TRAF3IP1: variants seen among roughly 807,000 people sequenced by gnomAD.
The protein encoded by TRAF3IP1 is intraflagellar transport 54.
In TRAF3IP1, 53 loss-of-function variants were observed where a neutral mutation model predicts 89.9. That is an observed-to-expected ratio of 0.59 (90% CI 0.47 to 0.74). The LOEUF (loss-of-function observed/expected upper bound fraction) is 0.74. Among genes scored for constraint, TRAF3IP1 ranks in the 30% least tolerant of loss-of-function variants. The pLI is 0.00. For synonymous variants in TRAF3IP1, 311 were observed against 322.1 expected (o/e 0.97, Z 0.37); for missense variants, 806 against 866.1 (o/e 0.93, Z 0.87).
intron 15 of TRAF3IP1, among the ~76,000 whole-genome samples, chr2:238,385,094 C>T (rs536935161): frequency 6.6e-5 from 10 of 152,164 alleles, no homozygotes; most frequent in Non-Finnish European, 1.3e-4. Context: ...CGGCTCACTG[C>T]AATCTCCGCC....
At chr2:238,340,080 C>T (rs1285381103) in intron 8 of TRAF3IP1, among the ~76,000 whole-genome samples, 1 of 152,022 alleles carries the variant, frequency 6.6e-6, no homozygotes, top group Non-Finnish European at 1.5e-5. Context: ...GGAACAGTGG[C>T]CAGGAGCAGA....
At chr2:238,329,682 C>T (rs2106365137) in intron 5 of TRAF3IP1, among the ~76,000 whole-genome samples, 1 of 152,334 alleles carries the variant, frequency 6.6e-6, no homozygotes, top group Admixed American at 6.5e-5. Context: ...AGAGATTTCA[C>T]TCATGTTCAC....
chr2:238,338,566 T>C (rs1419946738), intron 8 of TRAF3IP1, 109 bp downstream of exon 8: 4 of 613,078 alleles, frequency 6.5e-6, no homozygotes, highest in Non-Finnish European at 1.1e-5. Flanking sequence ...ACTTTAATGT[T>C]CATGAGACTT....
In TRAF3IP1 at chr2:238,334,032, G is replaced by T. The variant is rs755323133; in HGVS notation, c.1060G>T (p.Glu354Ter). The T allele has an allele frequency of 6.2e-7, 1 of 1,607,084 alleles. No individual in the cohort carries two copies. Among genetic ancestry groups the T allele is most frequent in the South Asian group, 1.1e-5 (1 of 90,260 alleles). The change falls in exon 7 of 17, where the codon GAA becomes TAA. Residue 354 changes from glutamate to a stop codon, truncating the protein, a stop_gained. Transcript: ENST00000373327. LOFTEE classifies it high-confidence loss of function. The part of the protein sequence containing the change: ...TSKRRSKNSV[E>*]GRKEDNISAK... ...AAAACGGCGATCCAAAAATTCAGTG[G>T]AAGGTACTGCAAAACTTATATATGT...
intron 15 of TRAF3IP1, among the ~76,000 whole-genome samples, chr2:238,380,841 T>G (rs1700515951): frequency 6.6e-6 from 1 of 152,226 alleles, no homozygotes; most frequent in Non-Finnish European, 1.5e-5. Context: ...TTAGCAACCT[T>G]CATTTTCATG....
At chr2:238,334,078 GTTT>G (rs5839695) in intron 7 of TRAF3IP1, 43 bp downstream of exon 7, 5 of 1,089,286 alleles carry the variant, frequency 4.6e-6, no homozygotes, top group African/African-American at 1.7e-5. Flanking sequence ...ATGGATATTA[GTTT>G]TTTTTTTTTT....
chr2:238,397,371 C>A, intron 15 of TRAF3IP1, 88 bp from the exon 16 acceptor site: 2 of 1,193,870 alleles, frequency 1.7e-6, no homozygotes, highest in Non-Finnish European at 2.4e-6. Flanking sequence ...TTCCTCCCAG[C>A]CCCATGGCCG....
chr2:238,347,506 A>G (rs376070852), intron 10 of TRAF3IP1, 31 bp downstream of exon 10: 12 of 1,612,892 alleles, frequency 7.4e-6, no homozygotes, highest in Non-Finnish European at 1.0e-5. Context: ...CCTGTGTGTC[A>G]TATCAATTGT....
chr2:238,340,812 C>CGTGT (rs71414327), intron 8 of TRAF3IP1, among the ~76,000 whole-genome samples: 37,488 of 149,198 alleles, frequency 0.25, 4,732 homozygotes, highest in Non-Finnish European at 0.27. Flanking sequence ...TACAGTTATG[C>CGTGT]GTGTGTGTGT....
At chr2:238,329,871 T>G (rs1698035432) in intron 5 of TRAF3IP1, among the ~76,000 whole-genome samples, 1 of 152,210 alleles carries the variant, frequency 6.6e-6, no homozygotes, top group South Asian at 2.1e-4. Flanking sequence ...AATTTTGATC[T>G]GGGAGTGGTA....
At chr2:238,395,744 A>C (rs1367187633) in intron 15 of TRAF3IP1, among the ~76,000 whole-genome samples, 1 of 152,232 alleles carries the variant, frequency 6.6e-6, no homozygotes, top group Non-Finnish European at 1.5e-5. Flanking sequence ...TTCTCAAAAG[A>C]AGACATTTAC....
intron 8 of TRAF3IP1, among the ~76,000 whole-genome samples, chr2:238,338,790 G>A (rs997765078): frequency 3.3e-5 from 5 of 152,114 alleles, no homozygotes; most frequent in African/African-American, 1.2e-4. Context: ...TTATGTCTTC[G>A]TCCTGCTCTG....
intron 14 of TRAF3IP1, among the ~76,000 whole-genome samples, chr2:238,355,343 C>T (rs1232609431): frequency 6.6e-6 from 1 of 152,204 alleles, no homozygotes; most frequent in Non-Finnish European, 1.5e-5. Context: ...GAAAAACAAA[C>T]AAATAAATAA....
At chr2:238,386,524 G>GA (rs2106371685) in intron 15 of TRAF3IP1, among the ~76,000 whole-genome samples, 1 of 152,152 alleles carries the variant, frequency 6.6e-6, no homozygotes, top group South Asian at 2.1e-4. Context: ...TGTTGACCAG[G>GA]CTGGTCTTGA....
At chr2:238,330,015 C>T (rs780007404) in intron 5 of TRAF3IP1, among the ~76,000 whole-genome samples, 16 of 152,184 alleles carry the variant, frequency 1.1e-4, no homozygotes, top group Non-Finnish European at 2.4e-4. Flanking sequence ...TTGCTCTTGT[C>T]CTTGTCTTGC....
rs1698258939 is a variant in TRAF3IP1 at position 238,334,019 on chromosome 2, C to T, written c.1047C>T (p.Ser349=). 1.2e-6 allele frequency: 2 copies of T among 1,609,368 alleles called. No homozygotes were observed. Among genetic ancestry groups the T allele is most frequent in the East Asian group, 2.2e-5 (1 of 44,826 alleles). ...SLTTKTSKRR[S]KNSVEGRKED... ...CAACAAAAACATCAAAACGGCGATC[C>T]AAAAATTCAGTGGAAGGTACTGCAA... The change falls in exon 7 of 17, where the codon TCC becomes TCT. Residue 349 remains serine (S), a synonymous_variant. Coordinates refer to ENST00000373327, the MANE Select transcript of TRAF3IP1 (RefSeq NM_015650.4).
intron 15 of TRAF3IP1, among the ~76,000 whole-genome samples, chr2:238,357,217 C>T (rs892744731): frequency 6.6e-6 from 1 of 152,194 alleles, no homozygotes; most frequent in African/African-American, 2.4e-5. Flanking sequence ...GGGCACATGA[C>T]CACTAGGGCG....
intron 15 of TRAF3IP1, among the ~76,000 whole-genome samples, chr2:238,372,481 A>G (rs1041304023): frequency 1.1e-4 from 17 of 152,306 alleles, no homozygotes; most frequent in African/African-American, 3.1e-4. Flanking sequence ...TTATAGCTGC[A>G]TAGTATTCCA....
rs1487304192 is a variant in TRAF3IP1 at position 238,379,404 on chromosome 2, G to A, written c.1690-18055G>A. On this transcript the variant is annotated intron_variant, in intron 15 of 16. Transcript: ENST00000373327. This position sits in a 1 kb window ranked among gnomAD's most constrained non-coding sequence, Gnocchi z 4.0. ...AGGATGCTGGTGGAGGGAAGAGTGA[G>A]GAGTGCCAGCTTCAGCAGAACTCCT... 2.0e-5 allele frequency among the ~76,000 whole-genome samples: 3 copies of A among 152,198 alleles called. No individual in the cohort carries two copies. In the East Asian group the frequency reaches 5.8e-4, roughly 29 times the overall value.
Sources: allele counts gnomAD v4.1 joint callset (sites outside exome capture counted in the v4.1 genomes callset), GRCh38; gene constraint gnomAD v4.1.1; non-coding constraint Gnocchi (gnomAD v3.1); transcripts MANE v1.5; gene names NCBI Gene and HGNC (gene_info 2026-07-23, HGNC 2026-07-21).